Variants in PIGL observed in about 807,000 individuals in gnomAD.
PIGL encodes phosphatidylinositol glycan anchor biosynthesis class L, also known as N-acetylglucosaminyl-phosphatidylinositol de-N-acetylase.
In PIGL, 22 loss-of-function variants were observed where a neutral mutation model predicts 31.1. That is an observed-to-expected ratio of 0.71 (90% CI 0.51 to 1.01). The LOEUF (loss-of-function observed/expected upper bound fraction) is 1.01. PIGL is among the 50% of genes least tolerant of loss of function. PIGL has a pLI of 0.00. For synonymous variants in PIGL, 131 were observed against 117.4 expected (o/e 1.12, Z -0.75); for missense variants, 302 against 315.9 (o/e 0.96, Z 0.33).
chr17:16,317,974 G>T, intron 6 of PIGL, 66 bp downstream of exon 6: 1 of 1,385,334 alleles, frequency 7.2e-7, no homozygotes, highest in Admixed American at 1.7e-5. Context: ...TCTCCTCAAA[G>T]CCCCACCTCT....
intron 6 of PIGL, among the ~76,000 whole-genome samples, chr17:16,322,003 C>T (rs756569219): frequency 7.9e-5 from 12 of 151,998 alleles, no homozygotes; most frequent in Non-Finnish European, 1.2e-4. Flanking sequence ...AGGCTGGTCT[C>T]GAACTCCCGA....
intron 2 of PIGL, among the ~76,000 whole-genome samples, chr17:16,281,573 C>A (rs1675393124): frequency 6.6e-6 from 1 of 152,204 alleles, no homozygotes; most frequent in South Asian, 2.1e-4. Flanking sequence ...ATAGCATCAA[C>A]CCACTTGGAA....
At chr17:16,308,792 C>CT (rs71150288) in intron 3 of PIGL, among the ~76,000 whole-genome samples, 107,581 of 114,440 alleles carry the variant, frequency 0.94, 50,828 homozygotes, top group Non-Finnish European at 0.97. Flanking sequence ...TGCATCCAGG[C>CT]TTTTTTTTTT....
intron 3 of PIGL, among the ~76,000 whole-genome samples, chr17:16,311,467 CTT>C (rs778072602): frequency 5.3e-5 from 1 of 18,974 alleles, no homozygotes; most frequent in South Asian, 5.0e-3. Context: ...GGTTTTCTTT[CTT>C]TTTTTTTTTT....
chr17:16,235,702 C>G (rs1446442896), intron 2 of PIGL, among the ~76,000 whole-genome samples: 1 of 151,032 alleles, frequency 6.6e-6, no homozygotes, highest in Non-Finnish European at 1.5e-5. Flanking sequence ...ATCCACCTGC[C>G]TCGGCCTCCC....
intron 6 of PIGL, among the ~76,000 whole-genome samples, chr17:16,322,305 G>A (rs928703790): frequency 6.6e-6 from 1 of 150,926 alleles, no homozygotes; most frequent in Non-Finnish European, 1.5e-5. Context: ...TGTTTGGCCA[G>A]GCCAGTCTCG....
intron 2 of PIGL, among the ~76,000 whole-genome samples, chr17:16,289,486 C>G (rs1436025447): frequency 6.6e-6 from 1 of 152,206 alleles, no homozygotes; most frequent in African/African-American, 2.4e-5. Context: ...GCAGACTTAA[C>G]TCAGCTTTAC....
chr17:16,244,016 T>C (rs902100132), intron 2 of PIGL, among the ~76,000 whole-genome samples: 48 of 152,196 alleles, frequency 3.2e-4, no homozygotes, highest in African/African-American at 1.1e-3. Flanking sequence ...AGGTCTCTTC[T>C]TGGGCTGAGT....
chr17:16,245,356 A>C (rs1330123758), intron 2 of PIGL, among the ~76,000 whole-genome samples: 1 of 151,614 alleles, frequency 6.6e-6, no homozygotes, highest in Non-Finnish European at 1.5e-5. Flanking sequence ...TGAAGTCCTG[A>C]ACTCAGATGA....
At chr17:16,225,472 T>TCCG (rs1312288418) in intron 1 of PIGL, among the ~76,000 whole-genome samples, 4 of 143,152 alleles carry the variant, frequency 2.8e-5, no homozygotes, top group Non-Finnish European at 6.0e-5. Context: ...CACTGCAAGC[T>TCCG]CCGCCTCCTG....
Position 16,300,147 on chromosome 17 carries a change from A to C in PIGL, c.426+169A>C, listed in dbSNP as rs1333237080. ...CTCACCATTAAACCTACTGAAGAACAAACACACCTTTTGATATCTTTACGA... is the reference window on the plus strand; with the variant it reads ...CTCACCATTAAACCTACTGAAGAACCAACACACCTTTTGATATCTTTACGA... On this transcript the variant is annotated intron_variant, in intron 3 of 6. Coordinates refer to ENST00000225609, the MANE Select transcript of PIGL (RefSeq NM_004278.4). 5.1e-6 allele frequency: 3 copies of C among 593,340 alleles called. No individual in the cohort carries two copies. The African/African-American group carries it at 5.6e-5, about 11-fold the overall frequency. The allele number at this position is 593,340 out of a possible 1,614,324, so 36.8% of individuals were successfully genotyped here.
chr17:16,280,567 C>T (rs1220167633), intron 2 of PIGL, among the ~76,000 whole-genome samples: 1 of 152,174 alleles, frequency 6.6e-6, no homozygotes, highest in Non-Finnish European at 1.5e-5. Context: ...CACGCATGCA[C>T]AGCCTCTCTG....
intron 2 of PIGL, among the ~76,000 whole-genome samples, chr17:16,293,072 ATAGT>A (rs759034975): frequency 2.0e-5 from 3 of 152,202 alleles, no homozygotes; most frequent in Non-Finnish European, 2.9e-5. Context: ...AACAACTCAG[ATAGT>A]TAGTCTAAAA....
intron 2 of PIGL, among the ~76,000 whole-genome samples, chr17:16,249,902 G>C (rs1325363605): frequency 6.6e-6 from 1 of 152,064 alleles, no homozygotes; most frequent in Non-Finnish European, 1.5e-5. Context: ...TCCTTTACCA[G>C]TTCTCTAGAT....
In PIGL at chr17:16,217,274, G is replaced by A. The variant is rs764982960; in HGVS notation, c.48G>A (p.Trp16Ter). 8.7e-6 allele frequency: 14 copies of A among 1,614,078 alleles called. No individual in the cohort carries two copies. Among genetic ancestry groups the A allele is most frequent in the Non-Finnish European group, 1.2e-5 (14 of 1,180,044 alleles). The change falls in exon 1 of 7, where the codon TGG becomes TGA. Residue 16 changes from tryptophan (W) to a stop codon, truncating the protein, a stop_gained. Transcript: ENST00000225609. LOFTEE classifies it high-confidence loss of function. ...GTGTGGCGTTGGCGGTCTTGGCATGGGGCTTCCTCTGGGTTTGGGACTCCT... is the reference window on the plus strand; with the variant it reads ...GTGTGGCGTTGGCGGTCTTGGCATGAGGCTTCCTCTGGGTTTGGGACTCCT... Reference protein sequence around the residue: ...LLCVALAVLAWGFLWVWDSSE... With the variant: ...LLCVALAVLA
At chr17:16,266,046 A>G (rs1332740611) in intron 2 of PIGL, among the ~76,000 whole-genome samples, 1 of 152,116 alleles carries the variant, frequency 6.6e-6, no homozygotes, top group Non-Finnish European at 1.5e-5. Flanking sequence ...AAGATAAAGT[A>G]TCTGGCTGTC....
intron 5 of PIGL, chr17:16,317,179 T>C: frequency 9.9e-7 from 1 of 1,012,354 alleles, no homozygotes; most frequent in African/African-American, 1.7e-5. Flanking sequence ...TTCTGGTCTG[T>C]CATACCTCAC....
chr17:16,264,506 C>T (rs1303750763), intron 2 of PIGL, among the ~76,000 whole-genome samples: 7 of 152,028 alleles, frequency 4.6e-5, no homozygotes, highest in Non-Finnish European at 1.0e-4. Flanking sequence ...AACTGCCTAG[C>T]TCTTTGAAAT....
chr17:16,226,901 A>C (rs1017485691), intron 1 of PIGL, among the ~76,000 whole-genome samples: 10 of 152,088 alleles, frequency 6.6e-5, no homozygotes, highest in African/African-American at 2.4e-4. Context: ...GCCGCATAAT[A>C]CCTCTCAGGA....
Sources: gnomAD v4.1 joint callset for allele counts (sites outside exome capture counted in the v4.1 genomes callset) on GRCh38, gnomAD v4.1.1 for gene constraint, MANE v1.5 for transcripts, NCBI Gene and HGNC (gene_info 2026-07-23, HGNC 2026-07-21) for gene names.